FHIP1A: variants seen among roughly 807,000 people sequenced by gnomAD.
FHIP1A encodes FHF complex subunit HOOK-interacting protein 1A.
Under a neutral mutation model 88.6 loss-of-function variants are expected in FHIP1A, and 61 were observed. The ratio of observed to expected loss-of-function variants is 0.69; its 90% CI spans 0.56 to 0.85. The LOEUF (loss-of-function observed/expected upper bound fraction) is 0.85, where lower values mean the gene tolerates loss of function less well. Ranked by LOEUF, FHIP1A falls within the 40% of genes least tolerant of loss-of-function variation. The pLI, the probability that FHIP1A is intolerant of heterozygous loss-of-function variation, is 0.00. For missense variants in FHIP1A, 1,154 were observed against 1,273.5 expected (o/e 0.91, Z 1.43); for synonymous variants, 478 against 496.0 (o/e 0.96, Z 0.48).
intron 3 of FHIP1A, among the ~76,000 whole-genome samples, chr4:151,508,445 C>A (rs1730908075): frequency 6.6e-6 from 1 of 152,048 alleles, no homozygotes; most frequent in Non-Finnish European, 1.5e-5. Context: ...TGGGATCTGG[C>A]CCATCTAGAA....
rs111737951 is a variant in FHIP1A at position 151,644,126 on chromosome 4, T to G, written c.1227-2432T>G. Among the ~76,000 whole-genome samples, 662 of 152,322 alleles carry G rather than the reference T, an allele frequency of 4.3e-3. 7 individuals carry two copies. The highest frequency in any genetic ancestry group is 0.014 in the African/African-American group (599 of 41,568). On this transcript the variant is annotated intron_variant, in intron 9 of 13. Coordinates refer to ENST00000435205, the MANE Select transcript of FHIP1A (RefSeq NM_001109977.3). ...TGAAGCAGTTTATTTCTTAAATAAT[T>G]AATGACCAAAATAAGGATACCATAA...
At chr4:151,627,232 C>G (rs957160525) in intron 7 of FHIP1A, among the ~76,000 whole-genome samples, 1 of 152,178 alleles carries the variant, frequency 6.6e-6, no homozygotes, top group Non-Finnish European at 1.5e-5. Flanking sequence ...CTTAAATCCT[C>G]TTAGCTTATA....
chr4:151,488,563 CTA>C (rs1478219205), intron 3 of FHIP1A, among the ~76,000 whole-genome samples: 2 of 152,190 alleles, frequency 1.3e-5, no homozygotes, highest in Non-Finnish European at 2.9e-5. Context: ...TAGGGTGACT[CTA>C]TGTCTTTACT....
chr4:151,478,729 G>A (rs1312147480), intron 2 of FHIP1A, among the ~76,000 whole-genome samples: 1 of 152,040 alleles, frequency 6.6e-6, no homozygotes, highest in African/African-American at 2.4e-5. Flanking sequence ...CATTTAGAAT[G>A]TGGCATTTCC....
intron 1 of FHIP1A, among the ~76,000 whole-genome samples, chr4:151,428,938 C>T (rs1441745783): frequency 6.6e-6 from 1 of 152,124 alleles, no homozygotes; most frequent in Non-Finnish European, 1.5e-5. Flanking sequence ...AAGTCTTTAC[C>T]CTAGTTGGGT....
At chr4:151,617,842 C>T (rs1485348487) in intron 7 of FHIP1A, among the ~76,000 whole-genome samples, 6 of 151,998 alleles carry the variant, frequency 3.9e-5, no homozygotes, top group African/African-American at 9.7e-5. Context: ...GCTGAGATTG[C>T]GCCACTGCAC....
rs948067101 is a variant in FHIP1A at position 151,656,392 on chromosome 4, C to T, written c.2712C>T (p.Ser904=). Residue 904 remains serine, a synonymous_variant, in exon 12 of 14, where the codon AGC becomes AGT. Transcript: ENST00000435205. The surrounding 1 kb of genome is among the most constrained non-coding windows in gnomAD (Gnocchi z 4.2). ...LLNTNMVFQP[S]VRSLYQVLAS... is the part of the protein sequence containing the mutation. ...ACACCAACATGGTCTTCCAGCCAAG[C>T]GTCCGCTCTCTCTATCAGGTATGTT... The T allele has an allele frequency of 7.1e-6, 11 of 1,551,586 alleles. No homozygotes were observed. Among genetic ancestry groups the T allele is most frequent in the South Asian group, 1.2e-5 (1 of 84,062 alleles).
chr4:151,485,495 T>C (rs1462552147), intron 3 of FHIP1A, among the ~76,000 whole-genome samples: 1 of 151,924 alleles, frequency 6.6e-6, no homozygotes, highest in Non-Finnish European at 1.5e-5. Flanking sequence ...GTTCTCAAAG[T>C]GCGGTCCCCA....
intron 1 of FHIP1A, among the ~76,000 whole-genome samples, chr4:151,426,771 T>C (rs1733391015): frequency 6.6e-6 from 1 of 152,176 alleles, no homozygotes; most frequent in East Asian, 1.9e-4. Context: ...GGTGGTAATA[T>C]TTTCCTGTGA....
At chr4:151,587,517 C>CT (rs140507520) in intron 6 of FHIP1A, among the ~76,000 whole-genome samples, 38,450 of 147,850 alleles carry the variant, frequency 0.26, 5,520 homozygotes, top group Non-Finnish European at 0.33. Context: ...TTTTCTCGGC[C>CT]TTTTTTTTTA....
intron 3 of FHIP1A, among the ~76,000 whole-genome samples, chr4:151,560,045 T>C (rs998206574): frequency 1.3e-5 from 2 of 152,166 alleles, no homozygotes; most frequent in Admixed American, 6.6e-5. Context: ...GGGCACCTCA[T>C]GGACCCTTTA....
chr4:151,518,459 A>T (rs558126604), intron 3 of FHIP1A, among the ~76,000 whole-genome samples: 1 of 152,092 alleles, frequency 6.6e-6, no homozygotes, highest in African/African-American at 2.4e-5. Context: ...ATGTTTTCAT[A>T]TACTCTACAT....
At chr4:151,640,738 A>G (rs1281723818) in intron 9 of FHIP1A, among the ~76,000 whole-genome samples, 1 of 152,194 alleles carries the variant, frequency 6.6e-6, no homozygotes, top group African/African-American at 2.4e-5. Flanking sequence ...GCTCTGGGTC[A>G]CCAAGTCAGA....
Position 151,468,618 on chromosome 4 carries a change from A to G in FHIP1A, c.-248+13810A>G, listed in dbSNP as rs1037351024. On this transcript the variant is annotated intron_variant, in intron 2 of 13. Transcript: ENST00000435205. Reference sequence around the variant, plus strand: ...GGACTTCCAATTAGATTGCCACCCCATGCCCCATTTCTGTAGACATTCTAA... The same window carrying G: ...GGACTTCCAATTAGATTGCCACCCCGTGCCCCATTTCTGTAGACATTCTAA... 4.4e-4 allele frequency among the ~76,000 whole-genome samples: 67 copies of G among 152,298 alleles called. 1 individual carries two copies. The highest frequency in any genetic ancestry group is 4.3e-3 in the Admixed American group (65 of 15,288).
At chr4:151,638,853 C>G in intron 9 of FHIP1A, 97 bp downstream of exon 9, 1 of 583,440 alleles carries the variant, frequency 1.7e-6, no homozygotes, top group African/African-American at 1.9e-5. Flanking sequence ...CTTTATATTA[C>G]TTTGGTTGTA....
intron 7 of FHIP1A, among the ~76,000 whole-genome samples, chr4:151,628,418 T>G (rs1468994685): frequency 1.3e-5 from 2 of 151,910 alleles, no homozygotes; most frequent in Non-Finnish European, 2.9e-5. Flanking sequence ...TATGCACAGA[T>G]GCATCCACTC....
At chr4:151,627,310 A>G (rs1454859603) in intron 7 of FHIP1A, among the ~76,000 whole-genome samples, 1 of 152,260 alleles carries the variant, frequency 6.6e-6, no homozygotes, top group Non-Finnish European at 1.5e-5. Context: ...GTAGTAAACA[A>G]TAGATACTTA....
chr4:151,479,672 T>C (rs1468179381), intron 2 of FHIP1A, among the ~76,000 whole-genome samples: 1 of 152,104 alleles, frequency 6.6e-6, no homozygotes, highest in African/African-American at 2.4e-5. Flanking sequence ...CTTGTATAAA[T>C]GTGCACCCCA....
At chr4:151,473,716 A>G (rs1219406235) in intron 2 of FHIP1A, among the ~76,000 whole-genome samples, 5 of 152,210 alleles carry the variant, frequency 3.3e-5, no homozygotes, top group Non-Finnish European at 7.3e-5. Flanking sequence ...TCAAGGGAAC[A>G]ATCAACAGAC....
Sources: gnomAD v4.1 joint callset for allele counts (sites outside exome capture counted in the v4.1 genomes callset) on GRCh38, gnomAD v4.1.1 for gene constraint, Gnocchi (gnomAD v3.1) non-coding constraint, MANE v1.5 for transcripts, NCBI Gene and HGNC (gene_info 2026-07-23, HGNC 2026-07-21) for gene names.